ERBB4: variants seen among roughly 807,000 people sequenced by gnomAD.
ERBB4 encodes the protein erb-b2 receptor tyrosine kinase 4.
Under a neutral mutation model 158.0 loss-of-function variants are expected in ERBB4, and 42 were observed. That is an observed-to-expected ratio of 0.27 (90% CI 0.21 to 0.34). The LOEUF is 0.34. ERBB4 is among the 10% of genes least tolerant of loss of function. The pLI, the probability that ERBB4 is intolerant of heterozygous loss-of-function variation, is 1.00. For synonymous variants in ERBB4, 583 were observed against 558.7 expected (o/e 1.04, Z -0.61); for missense variants, 1,333 against 1,624.1 (o/e 0.82, Z 3.08).
At chr2:212,039,993 T>G (rs780230609) in intron 2 of ERBB4, among the ~76,000 whole-genome samples, 2 of 152,224 alleles carry the variant, frequency 1.3e-5, no homozygotes, top group Middle Eastern at 3.4e-3. Context: ...AAGTACATAT[T>G]TTGCCAAATT....
chr2:211,681,991 G>T (rs2072355629), intron 12 of ERBB4, among the ~76,000 whole-genome samples: 1 of 149,802 alleles, frequency 6.7e-6, no homozygotes, highest in African/African-American at 2.5e-5. Flanking sequence ...TTGCACATAT[G>T]GTACTGTATT....
chr2:211,579,283 A>G (rs1338105617), intron 19 of ERBB4, among the ~76,000 whole-genome samples: 1 of 152,166 alleles, frequency 6.6e-6, no homozygotes, highest in Non-Finnish European at 1.5e-5. Flanking sequence ...GCGATTCTTA[A>G]AAAGTCAAGA....
At chr2:212,029,573 G>A (rs2076853672) in intron 2 of ERBB4, among the ~76,000 whole-genome samples, 1 of 152,160 alleles carries the variant, frequency 6.6e-6, no homozygotes. Flanking sequence ...AAAGCAATCA[G>A]CATGTACAAA....
In ERBB4 at chr2:212,036,296, A is replaced by G. The variant is rs990743869; in HGVS notation, c.234+88456T>C. Among the ~76,000 whole-genome samples the G allele has an allele frequency of 5.9e-5, 9 of 152,126 alleles. No homozygotes were observed. The East Asian group carries it at 7.7e-4, about 13-fold the overall frequency. The stretch of plus-strand genomic sequence containing the variant: ...GATAAAACAGTTAAATGCTAGTTCA[A>G]TTTCTGACTTGTTATGGGCAACATG... On this transcript the variant is annotated intron_variant, in intron 2 of 27. Coordinates refer to ENST00000342788, the MANE Select transcript of ERBB4 (RefSeq NM_005235.3).
At chr2:212,007,918 A>G (rs907207318) in intron 2 of ERBB4, among the ~76,000 whole-genome samples, 38 of 152,022 alleles carry the variant, frequency 2.5e-4, no homozygotes, top group Non-Finnish European at 2.9e-5. Context: ...TTAACACAAA[A>G]TATTTCACCA....
intron 1 of ERBB4, among the ~76,000 whole-genome samples, chr2:212,187,444 TAAATAAAG>T (rs1369434171): frequency 4.0e-5 from 6 of 150,636 alleles, no homozygotes; most frequent in Admixed American, 6.6e-5. Flanking sequence ...AATAAATAAA[TAAATAAAG>T]ATGTTAATCT....
At chr2:211,738,361 G>GTTTTTTTTTTT (rs10535592) in intron 5 of ERBB4, among the ~76,000 whole-genome samples, 1 of 135,342 alleles carries the variant, frequency 7.4e-6, no homozygotes, top group African/African-American at 2.6e-5. Context: ...CTTTGTTTTT[G>GTTTTTTTTTTT]TTTTTTTTTT....
At chr2:211,948,414 G>A (rs1208631747) in intron 2 of ERBB4, among the ~76,000 whole-genome samples, 11 of 122,114 alleles carry the variant, frequency 9.0e-5, no homozygotes, top group Admixed American at 3.8e-4. Context: ...CTAGCCTGGC[G>A]ACAGAGTGAG....
chr2:212,336,970 ATT>A (rs1195484235), intron 1 of ERBB4, among the ~76,000 whole-genome samples: 1 of 152,106 alleles, frequency 6.6e-6, no homozygotes, highest in Non-Finnish European at 1.5e-5. Flanking sequence ...TATGGATCTC[ATT>A]TTGAGTAGCA....
At chr2:211,561,831 T>A in intron 20 of ERBB4, 72 bp downstream of exon 20, 1 of 1,282,584 alleles carries the variant, frequency 7.8e-7, no homozygotes, top group African/African-American at 1.5e-5. Flanking sequence ...ATATTTTCAA[T>A]ATGAAAACTG....
At chr2:212,030,912 G>A (rs766517056) in intron 2 of ERBB4, among the ~76,000 whole-genome samples, 11 of 151,728 alleles carry the variant, frequency 7.2e-5, no homozygotes, top group Non-Finnish European at 1.6e-4. Context: ...ATGGGGGAGG[G>A]GTGCAAATGA....
chr2:212,327,319 A>C (rs2087891737), intron 1 of ERBB4, among the ~76,000 whole-genome samples: 1 of 152,026 alleles, frequency 6.6e-6, no homozygotes, highest in Admixed American at 6.6e-5. Flanking sequence ...ATTATGAATT[A>C]CAAAGTTAGG....
intron 1 of ERBB4, among the ~76,000 whole-genome samples, chr2:212,510,293 A>AT (rs1472892580): frequency 6.7e-6 from 1 of 150,284 alleles, no homozygotes; most frequent in Non-Finnish European, 1.5e-5. Context: ...CTATTGCACA[A>AT]TATAAATAAA....
At position 211,861,058 on chromosome 2, in the gene ERBB4, TATAAATATA is replaced by T. The variant is rs1559585533; in HGVS notation, c.422-72908_422-72900del. On this transcript the variant is annotated intron_variant, in intron 3 of 27. Coordinates refer to ENST00000342788, the MANE Select transcript of ERBB4 (RefSeq NM_005235.3). ...TAATATATTTATATATTTATATATA[TATAAATATA>T]ATATATTTATATATTATAAAATATA... 1.6e-4 allele frequency among the ~76,000 whole-genome samples: 9 copies of T among 57,144 alleles called. 2 individuals carry two copies. Among genetic ancestry groups the T allele is most frequent in the Non-Finnish European group, 2.2e-4 (7 of 32,094 alleles). 37.5% of individuals were successfully genotyped at this position (57,144 alleles called of 152,430 possible). A position where few individuals can be genotyped will look rare whatever the true frequency, so the allele number is the denominator to read the frequency against.
At chr2:212,310,797 C>T (rs997901987) in intron 1 of ERBB4, among the ~76,000 whole-genome samples, 2 of 150,416 alleles carry the variant, frequency 1.3e-5, no homozygotes, top group African/African-American at 2.4e-5. Context: ...CTATCCAGTT[C>T]ATACAGCACC....
At chr2:212,389,105 C>T (rs1379997692) in intron 1 of ERBB4, among the ~76,000 whole-genome samples, 1 of 152,076 alleles carries the variant, frequency 6.6e-6, no homozygotes, top group Admixed American at 6.6e-5. Context: ...CTCAAAATTT[C>T]AGGTGGCAGT....
chr2:212,143,272 C>T (rs1002929579), intron 1 of ERBB4, among the ~76,000 whole-genome samples: 1 of 152,074 alleles, frequency 6.6e-6, no homozygotes, highest in African/African-American at 2.4e-5. Flanking sequence ...TTGCACCTAA[C>T]AATTGTATGC....
At chr2:211,609,983 C>T (rs894321188) in intron 19 of ERBB4, among the ~76,000 whole-genome samples, 16 of 151,100 alleles carry the variant, frequency 1.1e-4, no homozygotes, top group Admixed American at 2.6e-4. Flanking sequence ...TTTGAGGAAA[C>T]GATCATAAAA....
intron 16 of ERBB4, among the ~76,000 whole-genome samples, chr2:211,646,792 T>G (rs908764311): frequency 1.3e-5 from 2 of 151,618 alleles, no homozygotes; most frequent in Non-Finnish European, 3.0e-5. Flanking sequence ...GAGTCTAGAG[T>G]CACTGAGAGC....
Sources: allele counts gnomAD v4.1 joint callset (sites outside exome capture counted in the v4.1 genomes callset), GRCh38; gene constraint gnomAD v4.1.1; transcripts MANE v1.5; gene names NCBI Gene and HGNC (gene_info 2026-07-23, HGNC 2026-07-21).